Variants in SNX24 observed in about 807,000 individuals in gnomAD.
SNX24 encodes sorting nexin-24.
Under a neutral mutation model 28.7 loss-of-function variants are expected in SNX24, and 22 were observed. The observed-to-expected ratio is 0.77, with a 90% CI of 0.55 to 1.10. The LOEUF (loss-of-function observed/expected upper bound fraction) is 1.10. Among genes scored for constraint, SNX24 ranks in the 50% least tolerant of loss-of-function variants. The probability of loss-of-function intolerance (pLI) is 0.00; values close to 1 mark genes in which losing one functional copy is unlikely to be tolerated. For synonymous variants in SNX24, 69 were observed against 71.5 expected (o/e 0.96, Z 0.18); for missense variants, 221 against 201.1 (o/e 1.10, Z -0.60).
intron 6 of SNX24, among the ~76,000 whole-genome samples, chr5:123,004,643 T>G (rs966102255): frequency 1.4e-4 from 21 of 152,234 alleles, no homozygotes; most frequent in Non-Finnish European, 2.4e-4. Flanking sequence ...GTGGTTTGTT[T>G]GCAAGGCCCT....
At chr5:122,922,095 CTGAAAATCTT>C (rs1561600993) in intron 1 of SNX24, among the ~76,000 whole-genome samples, 1 of 152,190 alleles carries the variant, frequency 6.6e-6, no homozygotes, top group Non-Finnish European at 1.5e-5. Context: ...TAACTGCTCT[CTGAAAATCTT>C]TGACACTGAT....
intron 6 of SNX24, among the ~76,000 whole-genome samples, chr5:123,003,344 C>G (rs1313433571): frequency 1.3e-5 from 2 of 152,160 alleles, no homozygotes; most frequent in Non-Finnish European, 2.9e-5. Flanking sequence ...ATAACTTTCT[C>G]TCTGTAACGT....
intron 1 of SNX24, among the ~76,000 whole-genome samples, chr5:122,858,473 A>G (rs577519356): frequency 1.8e-4 from 28 of 152,386 alleles, no homozygotes; most frequent in Non-Finnish European, 3.4e-4. Flanking sequence ...TTTGTCTTCA[A>G]TCAATAGCCT....
chr5:122,856,899 A>G (rs960288811), intron 1 of SNX24, among the ~76,000 whole-genome samples: 7 of 152,008 alleles, frequency 4.6e-5, no homozygotes, highest in Admixed American at 3.9e-4. Context: ...GCTGCAGTCT[A>G]TTTCCTTTGG....
intron 2 of SNX24, among the ~76,000 whole-genome samples, chr5:122,944,225 G>A (rs1012735681): frequency 5.9e-5 from 9 of 152,114 alleles, no homozygotes; most frequent in Non-Finnish European, 5.9e-5. Flanking sequence ...CACTTCTGGT[G>A]ACAACATAGC....
intron 3 of SNX24, among the ~76,000 whole-genome samples, chr5:122,970,294 A>G (rs1330061085): frequency 1.3e-5 from 2 of 151,134 alleles, no homozygotes; most frequent in East Asian, 1.9e-4. Context: ...GAACTGCTCT[A>G]TTTCTAAAAA....
chr5:122,988,983 A>C (rs383638), intron 3 of SNX24, among the ~76,000 whole-genome samples: 33,769 of 151,918 alleles, frequency 0.22, 4,754 homozygotes, highest in Non-Finnish European at 0.33. Flanking sequence ...TTTTCCCCTA[A>C]GTGTTCTACC....
chr5:122,859,985 A>C (rs1755381716), intron 1 of SNX24, among the ~76,000 whole-genome samples: 1 of 152,248 alleles, frequency 6.6e-6, no homozygotes, highest in African/African-American at 2.4e-5. Context: ...TTGAAGTCTA[A>C]TAGTGGCTGC....
chr5:123,025,980 C>T (rs749310789), intron 5 of SNX24: 1 of 1,578,214 alleles, frequency 6.3e-7, no homozygotes, highest in Non-Finnish European at 8.6e-7. Flanking sequence ...TGAGACAAAA[C>T]AAGGAAGAAA....
intron 2 of SNX24, among the ~76,000 whole-genome samples, 186 bp from the exon 3 acceptor site, chr5:122,945,869 T>G (rs906974763): frequency 6.6e-6 from 1 of 152,150 alleles, no homozygotes; most frequent in Non-Finnish European, 1.5e-5. Flanking sequence ...AACTGAACAG[T>G]CAAGATACCT....
rs559916241 is a variant in SNX24 at position 122,929,438 on chromosome 5, G to A, written c.61-7296G>A. Among the ~76,000 whole-genome samples, 11 of 147,810 alleles carry A rather than the reference G, an allele frequency of 7.4e-5. No individual in the cohort carries two copies. The South Asian group carries it at 1.8e-3, about 24-fold the overall frequency. ...TTTTATATTGAGTATAGCTCCAATA[G>A]CCTTTTTTTTTTAGAGACAACGTTG... is the stretch of plus-strand genomic sequence containing the variant. On this transcript the variant is annotated intron_variant, in intron 1 of 6. Coordinates refer to ENST00000261369, the MANE Select transcript of SNX24 (RefSeq NM_014035.4).
chr5:122,888,467 A>G lies in SNX24; in HGVS notation c.60+42774A>G, dbSNP rs560357371. 3.3e-5 allele frequency among the ~76,000 whole-genome samples: 5 copies of G among 152,298 alleles called. No individual in the cohort carries two copies. In the East Asian group the frequency reaches 5.8e-4, roughly 18 times the overall value. Reference sequence around the variant, plus strand: ...CCTCACCTATCAAATGAGGATAATGATAGTATCTAAAACTGTTATTTTGAT... The same window carrying G: ...CCTCACCTATCAAATGAGGATAATGGTAGTATCTAAAACTGTTATTTTGAT... On this transcript the variant is annotated intron_variant, in intron 1 of 6. Coordinates refer to ENST00000261369, the MANE Select transcript of SNX24 (RefSeq NM_014035.4).
At chr5:122,962,850 C>T (rs898201731) in intron 3 of SNX24, among the ~76,000 whole-genome samples, 2 of 152,148 alleles carry the variant, frequency 1.3e-5, no homozygotes, top group African/African-American at 4.8e-5. Context: ...TTTGACAGTG[C>T]ATACTGATTT....
At chr5:122,939,276 C>T (rs1388869109) in intron 2 of SNX24, among the ~76,000 whole-genome samples, 1 of 151,994 alleles carries the variant, frequency 6.6e-6, no homozygotes, top group African/African-American at 2.4e-5. Flanking sequence ...ACTATATTAC[C>T]CCTCCAAAAA....
chr5:122,958,412 C>G (rs1276353666), intron 3 of SNX24, among the ~76,000 whole-genome samples: 1 of 152,142 alleles, frequency 6.6e-6, no homozygotes, highest in Non-Finnish European at 1.5e-5. Context: ...TGCCATCACA[C>G]CCGGCTAATT....
At chr5:122,873,437 T>C (rs1020411252) in intron 1 of SNX24, among the ~76,000 whole-genome samples, 2 of 152,014 alleles carry the variant, frequency 1.3e-5, no homozygotes, top group Non-Finnish European at 2.9e-5. Flanking sequence ...AGCTCAGAGT[T>C]TATGTGATTT....
intron 3 of SNX24, among the ~76,000 whole-genome samples, chr5:122,979,219 T>C (rs1404328515): frequency 4.6e-5 from 7 of 152,236 alleles, no homozygotes; most frequent in Non-Finnish European, 1.0e-4. Context: ...CATATTTTAT[T>C]GATCAAAGTG....
At chr5:122,921,177 C>T (rs1758415784) in intron 1 of SNX24, among the ~76,000 whole-genome samples, 1 of 151,614 alleles carries the variant, frequency 6.6e-6, no homozygotes, top group Admixed American at 6.6e-5. Context: ...TTAACAAAAG[C>T]ATATCTTTCC....
chr5:122,853,061 A>G (rs1321382921), intron 1 of SNX24, among the ~76,000 whole-genome samples: 1 of 150,658 alleles, frequency 6.6e-6, no homozygotes, highest in African/African-American at 2.4e-5. Context: ...AGAAGCCCAC[A>G]TTAAATATTT....
Sources: gnomAD v4.1 joint callset for allele counts (sites outside exome capture counted in the v4.1 genomes callset) on GRCh38, gnomAD v4.1.1 for gene constraint, MANE v1.5 for transcripts, NCBI Gene and HGNC (gene_info 2026-07-23, HGNC 2026-07-21) for gene names.